Variants in RBFOX1 observed in about 807,000 individuals in gnomAD.
RBFOX1 encodes RNA binding fox-1 homolog 1.
Under a neutral mutation model 57.7 loss-of-function variants are expected in RBFOX1, and 8 were observed. That is an observed-to-expected ratio of 0.14 (90% confidence interval 0.08 to 0.25). RBFOX1 has a LOEUF of 0.25. Ranked by LOEUF, RBFOX1 falls within the 10% of genes least tolerant of loss-of-function variation. RBFOX1 has a pLI of 1.00. For missense variants in RBFOX1, 611 were observed against 548.5 expected (o/e 1.11, Z -1.14); for synonymous variants, 326 against 222.4 (o/e 1.47, Z -4.15).
intron 1 of RBFOX1, among the ~76,000 whole-genome samples, chr16:6,295,618 G>C (rs886558677): frequency 1.3e-5 from 2 of 152,232 alleles, no homozygotes; most frequent in Non-Finnish European, 1.5e-5. Context: ...AAGCTGCAGA[G>C]CGCTGTCTGT....
chr16:6,685,884 T>G (rs1393553770), intron 3 of RBFOX1, among the ~76,000 whole-genome samples: 1 of 152,172 alleles, frequency 6.6e-6, no homozygotes, highest in South Asian at 2.1e-4. Context: ...TATTAATGAC[T>G]TCATGTCCTC....
At chr16:7,403,448 T>A (rs2098277893) in intron 4 of RBFOX1, among the ~76,000 whole-genome samples, 1 of 152,090 alleles carries the variant, frequency 6.6e-6, no homozygotes, top group African/African-American at 2.4e-5. Flanking sequence ...CGAATTTGAG[T>A]GTTTTAGATC....
intron 4 of RBFOX1, among the ~76,000 whole-genome samples, chr16:5,920,302 A>G (rs1293679132): frequency 1.3e-5 from 2 of 152,004 alleles, no homozygotes; most frequent in African/African-American, 2.4e-5. Context: ...TTTATTGTAC[A>G]TTACCCATAT....
intron 3 of RBFOX1, among the ~76,000 whole-genome samples, chr16:6,790,906 G>A (rs909719255): frequency 2.0e-5 from 3 of 151,306 alleles, no homozygotes; most frequent in Non-Finnish European, 4.4e-5. Flanking sequence ...ATTTTTTCCT[G>A]TTTATCTTTT....
intron 2 of RBFOX1, among the ~76,000 whole-genome samples, chr16:6,516,979 G>T (rs768199665): frequency 6.6e-6 from 1 of 152,112 alleles, no homozygotes; most frequent in Non-Finnish European, 1.5e-5. Context: ...AAAGTATGAG[G>T]CTAGGTCAGA....
chr16:5,735,257 G>T (rs368403962), intron 3 of RBFOX1, among the ~76,000 whole-genome samples: 10 of 152,176 alleles, frequency 6.6e-5, no homozygotes, highest in Non-Finnish European at 1.0e-4. Flanking sequence ...CCAAGGAGAC[G>T]TCTTCAAGCC....
At chr16:6,039,801 G>A (rs1002116486) in intron 1 of RBFOX1, among the ~76,000 whole-genome samples, 2 of 152,222 alleles carry the variant, frequency 1.3e-5, no homozygotes, top group Admixed American at 1.3e-4. Flanking sequence ...TATCTTTTGA[G>A]GTCTCTCCTG....
At chr16:6,811,911 C>A (rs561895139) in intron 3 of RBFOX1, among the ~76,000 whole-genome samples, 1 of 151,980 alleles carries the variant, frequency 6.6e-6, no homozygotes, top group Non-Finnish European at 1.5e-5. Context: ...AAATAAAATA[C>A]AAAATATAAG....
chr16:7,416,089 G>C (rs1490767814), intron 4 of RBFOX1, among the ~76,000 whole-genome samples: 2 of 152,154 alleles, frequency 1.3e-5, no homozygotes, highest in South Asian at 2.1e-4. Flanking sequence ...TAAACCTCCA[G>C]CCCCCCAATC....
intron 3 of RBFOX1, among the ~76,000 whole-genome samples, chr16:5,605,798 C>G (rs1372293695): frequency 6.6e-6 from 1 of 152,014 alleles, no homozygotes. Flanking sequence ...GTAATGTCTT[C>G]CTTGGTATAG....
chr16:5,967,612 CTG>C, intron 4 of RBFOX1, among the ~76,000 whole-genome samples: 1 of 152,186 alleles, frequency 6.6e-6, no homozygotes, highest in Admixed American at 6.5e-5. Flanking sequence ...TGGGCTCATA[CTG>C]ATACTTCCAA....
intron 3 of RBFOX1, among the ~76,000 whole-genome samples, chr16:6,844,870 A>G (rs1226968891): frequency 1.3e-5 from 2 of 152,122 alleles, no homozygotes; most frequent in African/African-American, 2.4e-5. Flanking sequence ...TTTTATTAGT[A>G]ACCATTCTGA....
At chr16:7,686,813 G>T (rs1409883151) in intron 14 of RBFOX1, among the ~76,000 whole-genome samples, 1 of 152,120 alleles carries the variant, frequency 6.6e-6, no homozygotes, top group African/African-American at 2.4e-5. Flanking sequence ...GACAAGAAGT[G>T]CAGTGGGAAC....
chr16:7,133,392 A>G (rs896470375), intron 4 of RBFOX1, among the ~76,000 whole-genome samples: 18 of 152,196 alleles, frequency 1.2e-4, no homozygotes, highest in African/African-American at 4.1e-4. Flanking sequence ...TTGGTTGAAG[A>G]TCATTGCAAT....
intron 4 of RBFOX1, among the ~76,000 whole-genome samples, chr16:7,348,711 G>T (rs1389523529): frequency 6.6e-6 from 1 of 152,206 alleles, no homozygotes; most frequent in Non-Finnish European, 1.5e-5. Context: ...GGAGGCTGAG[G>T]ATGGCAGATC....
intron 4 of RBFOX1, among the ~76,000 whole-genome samples, chr16:7,194,139 A>G (rs1055208039): frequency 2.6e-5 from 4 of 152,106 alleles, no homozygotes; most frequent in Non-Finnish European, 4.4e-5. Context: ...GAAAGTCTTT[A>G]TTTGGTACTA....
chr16:6,802,097 A>C (rs1400684851), intron 3 of RBFOX1, among the ~76,000 whole-genome samples: 1 of 152,092 alleles, frequency 6.6e-6, no homozygotes, highest in African/African-American at 2.4e-5. Flanking sequence ...AATCCTAAAC[A>C]AGTCCTGTTA....
chr16:5,744,848 C>G (rs1161280879), intron 3 of RBFOX1, among the ~76,000 whole-genome samples: 1 of 152,156 alleles, frequency 6.6e-6, no homozygotes, highest in Non-Finnish European at 1.5e-5. Context: ...ACTTCTGCCT[C>G]CCGGGTTCAA....
At chr16:5,357,791 C>G (rs1180238567) in intron 1 of RBFOX1, among the ~76,000 whole-genome samples, 3 of 152,162 alleles carry the variant, frequency 2.0e-5, no homozygotes, top group African/African-American at 7.2e-5. Flanking sequence ...CAGGGAATTT[C>G]TGTTTCTTAC....
Sources: gnomAD v4.1 joint callset for allele counts (sites outside exome capture counted in the v4.1 genomes callset) on GRCh38, gnomAD v4.1.1 for gene constraint, MANE v1.5 for transcripts, NCBI Gene and HGNC (gene_info 2026-07-23, HGNC 2026-07-21) for gene names.